The following FBXL2 variants were observed in gnomAD, a reference collection of about 807,000 sequenced individuals.
FBXL2 encodes the protein F-box/LRR-repeat protein 2.
Under a neutral mutation model 69.2 loss-of-function variants are expected in FBXL2, and 38 were observed. That is an observed-to-expected ratio of 0.55 (90% CI 0.42 to 0.72). The LOEUF (loss-of-function observed/expected upper bound fraction) is 0.72. Ranked by LOEUF, FBXL2 falls within the 30% of genes least tolerant of loss-of-function variation. The pLI, the probability that FBXL2 is intolerant of heterozygous loss-of-function variation, is 0.00. For missense variants in FBXL2, 354 were observed against 520.3 expected (o/e 0.68, Z 3.11); for synonymous variants, 192 against 201.3 (o/e 0.95, Z 0.39).
intron 12 of FBXL2, chr3:33,397,083 T>TGCA: frequency 6.2e-7 from 1 of 1,604,118 alleles, no homozygotes; most frequent in South Asian, 1.1e-5. Context: ...TTCCATCGGC[T>TGCA]GCACCACAAA....
At chr3:33,396,063 A>C in intron 12 of FBXL2, 3 of 1,136,604 alleles carry the variant, frequency 2.6e-6, no homozygotes, top group Non-Finnish European at 3.7e-6. Flanking sequence ...TGGCATTCCT[A>C]ACACAGCAAG....
chr3:33,353,626 C>T (rs543484502), intron 2 of FBXL2, among the ~76,000 whole-genome samples: 68 of 152,316 alleles, frequency 4.5e-4, no homozygotes, highest in Admixed American at 7.2e-4. Context: ...CAGTGGCTCA[C>T]GCCTGTAATC....
At chr3:33,285,767 C>G (rs1012109517) in intron 1 of FBXL2, among the ~76,000 whole-genome samples, 3 of 152,178 alleles carry the variant, frequency 2.0e-5, no homozygotes, top group Non-Finnish European at 4.4e-5. Flanking sequence ...AACTTCTGTT[C>G]TCACTTCATT....
intron 5 of FBXL2, among the ~76,000 whole-genome samples, chr3:33,370,851 T>C (rs2042253575): frequency 6.6e-6 from 1 of 152,200 alleles, no homozygotes; most frequent in Non-Finnish European, 1.5e-5. Context: ...TTTCTTGCAC[T>C]TGTGGTTCTT....
intron 2 of FBXL2, among the ~76,000 whole-genome samples, chr3:33,352,171 A>G (rs2040871915): frequency 6.6e-6 from 1 of 152,174 alleles, no homozygotes; most frequent in Non-Finnish European, 1.5e-5. Context: ...AAGTAGAGCC[A>G]CATAAATAGT....
chr3:33,418,819 G>A, the FBXL2 span, among the ~76,000 whole-genome samples: 37 of 139,064 alleles, frequency 2.7e-4, no homozygotes, highest in Non-Finnish European at 4.7e-4. Flanking sequence ...AGATTGCACC[G>A]CTGCACTACA....
chr3:33,344,758 T>A (rs1456596679), intron 2 of FBXL2, among the ~76,000 whole-genome samples: 1 of 151,952 alleles, frequency 6.6e-6, no homozygotes, highest in Non-Finnish European at 1.5e-5. Context: ...ACAGAGAAAG[T>A]TAACAAAGCC....
chr3:33,304,818 C>A (rs929499824), intron 2 of FBXL2, among the ~76,000 whole-genome samples: 1 of 151,868 alleles, frequency 6.6e-6, no homozygotes, highest in Non-Finnish European at 1.5e-5. Flanking sequence ...TTAGTGTTGT[C>A]GCATGTCTTA....
At chr3:33,419,182 G>A in the FBXL2 span, among the ~76,000 whole-genome samples, 1 of 152,078 alleles carries the variant, frequency 6.6e-6, no homozygotes, top group Non-Finnish European at 1.5e-5. Flanking sequence ...AGACAGCCAG[G>A]AGCTGACTTG....
chr3:33,419,892 T>C, the FBXL2 span, among the ~76,000 whole-genome samples: 1 of 152,220 alleles, frequency 6.6e-6, no homozygotes, highest in Non-Finnish European at 1.5e-5. Context: ...CCAACAGTAA[T>C]ATTCTGTGAG....
chr3:33,388,838 C>G (rs1225180752), downstream of FBXL2: 1 of 152,156 alleles, frequency 6.6e-6, no homozygotes, highest in African/African-American at 2.4e-5. Context: ...CATAAAATGT[C>G]AAAGCTTTTA....
chr3:33,349,305 A>G (rs1186934128), intron 2 of FBXL2, among the ~76,000 whole-genome samples: 1 of 152,142 alleles, frequency 6.6e-6, no homozygotes, highest in Non-Finnish European at 1.5e-5. Context: ...GAGGGGTTTT[A>G]TCCTGAAGTT....
intron 13 of FBXL2, among the ~76,000 whole-genome samples, chr3:33,382,100 T>A (rs903739258): frequency 4.6e-5 from 7 of 152,156 alleles, no homozygotes; most frequent in Non-Finnish European, 8.8e-5. Flanking sequence ...CAGGAATACC[T>A]TACACCCATC....
At chr3:33,393,259 ATGTATAAAAG>A in intron 12 of FBXL2, 1 of 1,508,980 alleles carries the variant, frequency 6.6e-7, no homozygotes, top group Non-Finnish European at 8.9e-7. Flanking sequence ...CTACAATTAC[ATGTATAAAAG>A]TAAATACCAG....
At chr3:33,300,353 A>T (rs369281082) in intron 2 of FBXL2, among the ~76,000 whole-genome samples, 1 of 152,342 alleles carries the variant, frequency 6.6e-6, no homozygotes, top group South Asian at 2.1e-4. Flanking sequence ...TTAAAGATCC[A>T]TGATGGACTC....
At chr3:33,417,709 T>C in the FBXL2 span, among the ~76,000 whole-genome samples, 1 of 152,226 alleles carries the variant, frequency 6.6e-6, no homozygotes, top group African/African-American at 2.4e-5. Flanking sequence ...TTATCTGTTA[T>C]TAAATAATAA....
chr3:33,292,544 G>A lies in FBXL2; in HGVS notation c.4-5120G>A, dbSNP rs113960739. ...GAACTTGTGAAGAAAAAAAAAGTCA[G>A]TAAGGATATAAAAGATTTGAACACC... is the stretch of plus-strand genomic sequence containing the variant. On this transcript the variant is annotated intron_variant, in intron 1 of 14. Coordinates refer to ENST00000484457, the MANE Select transcript of FBXL2 (RefSeq NM_012157.5). Among the ~76,000 whole-genome samples, 135 of 151,852 alleles carry A rather than the reference G, an allele frequency of 8.9e-4. No homozygotes were observed. In the East Asian group the frequency reaches 0.013, roughly 15 times the overall value.
At chr3:33,420,336 T>C in the FBXL2 span, among the ~76,000 whole-genome samples, 8 of 152,304 alleles carry the variant, frequency 5.3e-5, 1 homozygote, top group African/African-American at 1.7e-4. Flanking sequence ...CATTCTTTTT[T>C]CTTTTTTGAG....
intron 2 of FBXL2, among the ~76,000 whole-genome samples, chr3:33,324,699 A>C (rs2038539667): frequency 6.6e-6 from 1 of 152,134 alleles, no homozygotes; most frequent in Admixed American, 6.5e-5. Flanking sequence ...TGTTTTGGTT[A>C]CTGTAGCCTT....
Sources: gnomAD v4.1 joint callset for allele counts (sites outside exome capture counted in the v4.1 genomes callset) on GRCh38, gnomAD v4.1.1 for gene constraint, MANE v1.5 for transcripts, NCBI Gene and HGNC (gene_info 2026-07-23, HGNC 2026-07-21) for gene names.